GANAB: variants seen among roughly 807,000 people sequenced by gnomAD.
GANAB encodes glucosidase II alpha subunit.
Under a neutral mutation model 129.9 loss-of-function variants are expected in GANAB, and 35 were observed. The observed-to-expected ratio is 0.27, with a 90% CI of 0.21 to 0.36. The LOEUF (loss-of-function observed/expected upper bound fraction) is 0.36. Ranked by LOEUF, GANAB falls within the 10% of genes least tolerant of loss-of-function variation. The probability of loss-of-function intolerance (pLI) is 1.00; values close to 1 mark genes in which losing one functional copy is unlikely to be tolerated. For synonymous variants in GANAB, 482 were observed against 451.8 expected (o/e 1.07, Z -0.85); for missense variants, 939 against 1,221.0 (o/e 0.77, Z 3.44).
chr11:62,630,858 G>A (rs1943639747), intron 10 of GANAB, 22 bp from the exon 11 acceptor site: 2 of 1,583,494 alleles, frequency 1.3e-6, no homozygotes, highest in Non-Finnish European at 1.7e-6. Flanking sequence ...TGAGGGATGG[G>A]GGTCACAACG....
rs139901677 is a variant in GANAB at position 62,634,904 on chromosome 11, G to A, written c.477C>T (p.Asp159=). The A allele has an allele frequency of 1.5e-5, 24 of 1,613,764 alleles. No homozygotes were observed. In the Middle Eastern group the frequency reaches 8.2e-4, roughly 55 times the overall value. Residue 159 remains aspartate, a synonymous_variant, in exon 5 of 24, where the codon GAC becomes GAT. Transcript: ENST00000356638. Reference sequence around the variant, plus strand: ...GCAAAAGACTTCGGTCCTCTAGTAGGTCAAGGCGGAATGGCCGTGCTGTCA... The same window carrying A: ...GCAAAAGACTTCGGTCCTCTAGTAGATCAAGGCGGAATGGCCGTGCTGTCA... The part of the protein sequence containing the change: ...IILTARPFRL[D]LLEDRSLLLS...
In GANAB at chr11:62,627,306, T is replaced by C; in HGVS notation, c.2228A>G (p.Asp743Gly). The change falls in exon 18 of 24, where the codon GAT becomes GGT. Residue 743 changes from aspartate to glycine, a missense_variant. Transcript: ENST00000356638. ...YPQDVTTFNI[D>G]DQYLLGDALL... ...TTTCTCACCAAGCAAGTACTGATCA[T>C]CTATATTGAAGGTAGTCACATCCTG... The C allele has an allele frequency of 6.3e-7, 1 of 1,580,954 alleles. No homozygotes were observed.
At chr11:62,634,504 A>C in intron 5 of GANAB, 1 of 676,202 alleles carries the variant, frequency 1.5e-6, no homozygotes, top group Non-Finnish European at 2.6e-6. Context: ...CAAAAAAAAT[A>C]AATAAATAAA....
chr11:62,630,654 G>T lies in GANAB; in HGVS notation c.1333C>A (p.Arg445Ser). 1.2e-6 allele frequency: 2 copies of T among 1,614,160 alleles called. No individual in the cohort carries two copies. Among genetic ancestry groups the T allele is most frequent in the South Asian group, 2.2e-5 (2 of 91,060 alleles). Residue 445 changes from arginine to serine, a missense_variant, in exon 11 of 24, where the codon CGC becomes AGC. By Grantham distance (110) the Arg-to-Ser change is moderately radical (BLOSUM62 -1). This residue lies in a region of GANAB where 220 missense variants were observed against 295.9 expected (regional missense o/e 0.74). Transcript: ENST00000356638. ...GKRYFTWDPS[R>S]FPQPRTMLER... The stretch of plus-strand genomic sequence containing the variant: ...AGCATGGTGCGGGGCTGAGGGAAGC[G>T]ACTGGGGTCCCAGGTGAAATACCGC...
intron 4 of GANAB, among the ~76,000 whole-genome samples, chr11:62,637,447 G>C (rs1943995144): frequency 6.6e-6 from 1 of 152,032 alleles, no homozygotes. Context: ...GTGTAAATTG[G>C]TAAACCACTT....
intron 9 of GANAB, among the ~76,000 whole-genome samples, chr11:62,631,977 CTTT>C (rs531997543): frequency 7.0e-6 from 1 of 143,020 alleles, no homozygotes; most frequent in African/African-American, 2.6e-5. Flanking sequence ...CAGAACCTTT[CTTT>C]TTTTTTTTTC....
chr11:62,639,595 C>A, intron 2 of GANAB, 32 bp downstream of exon 2: 1 of 1,527,884 alleles, frequency 6.5e-7, no homozygotes, highest in Non-Finnish European at 9.1e-7. Flanking sequence ...TACAACCCTA[C>A]ATTCCATCCC....
At position 62,626,669 on chromosome 11, in the gene GANAB, G is replaced by A. The variant is rs1353779708; in HGVS notation, c.2413C>T (p.Arg805Cys). The A allele has an allele frequency of 8.7e-6, 14 of 1,603,952 alleles. No homozygotes were observed. Among genetic ancestry groups the A allele is most frequent in the Non-Finnish European group, 1.2e-5 (14 of 1,173,634 alleles). Residue 805 changes from arginine (R) to cysteine (C), a missense_variant, in exon 21 of 24, where the codon CGT becomes TGT. Physicochemically the swap from Arg to Cys is radical, Grantham distance 180. Transcript: ENST00000356638. ...VTLSSIPVFQ[R>C]GGTIVPRWMR... ...CATCGAGGCACGATTGTCCCTCCAC[G>A]CTGGAACACAGGGATCTAGGGCAAG...
chr11:62,633,429 A>G lies in GANAB; in HGVS notation c.630+16T>C. 1 of 1,612,166 alleles carries G rather than the reference A, an allele frequency of 6.2e-7. No homozygotes were observed. On this transcript the variant is annotated intron_variant, in intron 6 of 23. Transcript: ENST00000356638. Reference sequence around the variant, plus strand: ...AGCCAGCCCTATCCTCCAACCACCCACCCGCTCCAACTTGCCTTGTCGCCA... The same window carrying G: ...AGCCAGCCCTATCCTCCAACCACCCGCCCGCTCCAACTTGCCTTGTCGCCA...
At position 62,625,188 on chromosome 11, in the gene GANAB, G is replaced by T. The variant is rs1565084992; in HGVS notation, c.*627C>A. On this transcript the variant is annotated 3_prime_UTR_variant, in exon 24 of 24. Transcript: ENST00000356638. Reference sequence around the variant, plus strand: ...AGAGGAGGTAGAACTGCCCCTCTAAGAATTGCAGCAGCTCTACAAGGAATC... The same window carrying T: ...AGAGGAGGTAGAACTGCCCCTCTAATAATTGCAGCAGCTCTACAAGGAATC... 2 of 454,480 alleles carry T rather than the reference G, an allele frequency of 4.4e-6. No individual in the cohort carries two copies. Among genetic ancestry groups the T allele is most frequent in the Non-Finnish European group, 4.4e-6 (1 of 226,690 alleles). 28.2% of individuals were successfully genotyped at this position (454,480 alleles called of 1,614,324 possible). A position where few individuals can be genotyped will look rare whatever the true frequency, so the allele number is the denominator to read the frequency against.
At chr11:62,627,939 G>T (rs191250740) in intron 17 of GANAB, among the ~76,000 whole-genome samples, 1 of 152,164 alleles carries the variant, frequency 6.6e-6, no homozygotes, top group Non-Finnish European at 1.5e-5. Flanking sequence ...ATGTTTCACC[G>T]CCCTGGCTTA....
At chr11:62,644,273 T>C (rs1284799306) in intron 1 of GANAB, among the ~76,000 whole-genome samples, 1 of 151,934 alleles carries the variant, frequency 6.6e-6, no homozygotes, top group African/African-American at 2.4e-5. Flanking sequence ...GCTCTCCCAG[T>C]GACACTGATA....
Position 62,627,428 on chromosome 11 carries a change from G to A in GANAB, c.2181-75C>T. On this transcript the variant is annotated intron_variant, in intron 17 of 23. Transcript: ENST00000356638. ...GTCAGAAATGCTCCTCCAGGAACTG[G>A]CAATAAGAAAAGAACAGCATAGGCC... 4.8e-6 allele frequency: 4 copies of A among 828,152 alleles called. No homozygotes were observed. In the Admixed American group the frequency reaches 7.1e-5, roughly 15 times the overall value. 51.3% of individuals were successfully genotyped at this position (828,152 alleles called of 1,614,324 possible).
intron 1 of GANAB, among the ~76,000 whole-genome samples, chr11:62,641,599 T>TTTTC (rs923745262): frequency 6.6e-6 from 1 of 151,428 alleles, no homozygotes; most frequent in Non-Finnish European, 1.5e-5. Flanking sequence ...GTTTTTTGCT[T>TTTTC]TGAGACAGTC....
rs77092080 is a variant in GANAB at position 62,629,607 on chromosome 11, G to A, written c.1815C>T (p.Phe605=). The A allele has an allele frequency of 3.8e-4, 604 of 1,609,644 alleles. 3 individuals carry two copies. The African/African-American group carries it at 7.2e-3, about 19-fold the overall frequency. Residue 605 remains phenylalanine (F), a synonymous_variant, in exon 15 of 24, where the codon TTC becomes TTT. Transcript: ENST00000356638. ...CCTTACCAAAGCGCTGGGAGCCAGC[G>A]AAGAAGGCCCTGGCCAGGACAAAGG... ...ERPFVLARAF[F]AGSQRFGAVW...
At chr11:62,629,411 A>T in intron 15 of GANAB, 116 bp from the exon 16 acceptor site, 1 of 865,150 alleles carries the variant, frequency 1.2e-6, no homozygotes, top group South Asian at 1.4e-5. Flanking sequence ...TGCAGTTCAC[A>T]AGAACATTTG....
chr11:62,632,501 T>C (rs1487456972), intron 9 of GANAB, 64 bp downstream of exon 9: 1 of 1,277,820 alleles, frequency 7.8e-7, no homozygotes, highest in Non-Finnish European at 1.1e-6. Context: ...GCCCCTAGTA[T>C]ACCTATTTGC....
intron 1 of GANAB, among the ~76,000 whole-genome samples, chr11:62,644,771 C>T (rs1037815966): frequency 1.3e-5 from 2 of 152,056 alleles, no homozygotes; most frequent in African/African-American, 2.4e-5. Context: ...TGGAGTAAGC[C>T]GAGATTGCAC....
At chr11:62,645,147 G>A (rs77226532) in intron 1 of GANAB, among the ~76,000 whole-genome samples, 1,771 of 152,156 alleles carry the variant, frequency 0.012, 22 homozygotes, top group African/African-American at 0.028. Context: ...CAAGGCATGC[G>A]GCACAGGTCC....
Sources: allele counts gnomAD v4.1 joint callset (sites outside exome capture counted in the v4.1 genomes callset), GRCh38; gene constraint gnomAD v4.1.1; regional missense constraint gnomAD v4.1.1; transcripts MANE v1.5; gene names NCBI Gene and HGNC (gene_info 2026-07-23, HGNC 2026-07-21).